The following CYTIP variants were observed in gnomAD, a reference collection of about 807,000 sequenced individuals.
The protein encoded by CYTIP is cytohesin 1 interacting protein.
In CYTIP, 26 loss-of-function variants were observed where a neutral mutation model predicts 43.8. That is an observed-to-expected ratio of 0.59 (90% CI 0.44 to 0.82). The LOEUF (loss-of-function observed/expected upper bound fraction) is 0.82, where lower values mean the gene tolerates loss of function less well. CYTIP is among the 40% of genes least tolerant of loss of function. The probability of loss-of-function intolerance (pLI) is 0.00; values close to 1 mark genes in which losing one functional copy is unlikely to be tolerated. For synonymous variants in CYTIP, 162 were observed against 162.9 expected (o/e 0.99, Z 0.04); for missense variants, 426 against 443.1 (o/e 0.96, Z 0.35).
chr2:157,427,440 A>T lies in CYTIP; in HGVS notation c.477-20T>A. 1.3e-6 allele frequency: 2 copies of T among 1,564,644 alleles called. No individual in the cohort carries two copies. The highest frequency in any genetic ancestry group is 1.7e-6 in the Non-Finnish European group (2 of 1,155,398). ...TCTATCCTGTTTTAAGGAAAAAAAA[A>T]AGAAGAGGAAGGTGGGGAGTGAGTA... is the stretch of plus-strand genomic sequence containing the variant. On this transcript the variant is annotated intron_variant, in intron 5 of 7. Transcript: ENST00000264192.
chr2:157,422,064 G>A (rs527426488), intron 6 of CYTIP, among the ~76,000 whole-genome samples: 12 of 152,268 alleles, frequency 7.9e-5, no homozygotes, highest in African/African-American at 2.9e-4. Flanking sequence ...TGATGCTGCT[G>A]GCTATGGCTC....
rs3769375 is a variant in CYTIP, at chr2:157,416,980, T to A, written c.614-837A>T. 6.2e-3 allele frequency among the ~76,000 whole-genome samples: 908 copies of A among 147,242 alleles called. 6 individuals are homozygous for A. Among genetic ancestry groups the A allele is most frequent in the South Asian group, 0.04 (183 of 4,626 alleles). ...TTGGTATCTTGTGTGTGTGTGTGTG[T>A]GAGAGAGAGAGAGAGAGAGAGAGAG... On this transcript the variant is annotated intron_variant, in intron 7 of 7. Transcript: ENST00000264192.
chr2:157,430,697 T>C (rs560816933), intron 4 of CYTIP, 45 bp from the exon 5 acceptor site: 1 of 1,563,226 alleles, frequency 6.4e-7, no homozygotes, highest in Non-Finnish European at 8.8e-7. Context: ...GTTAGTTAAA[T>C]AATCCCTCCT....
chr2:157,434,564 G>T, intron 2 of CYTIP, 134 bp downstream of exon 2: 2 of 859,356 alleles, frequency 2.3e-6, no homozygotes, highest in Non-Finnish European at 1.9e-6. Flanking sequence ...TTCTGTGTGT[G>T]TGTCTGTGTG....
At chr2:157,425,803 G>C (rs1004551128) in intron 6 of CYTIP, among the ~76,000 whole-genome samples, 1 of 151,858 alleles carries the variant, frequency 6.6e-6, no homozygotes, top group Non-Finnish European at 1.5e-5. Flanking sequence ...TTAAATTCAA[G>C]TACAATATGA....
chr2:157,441,866 C>G (rs1249538922), intron 1 of CYTIP, among the ~76,000 whole-genome samples: 1 of 152,234 alleles, frequency 6.6e-6, no homozygotes, highest in African/African-American at 2.4e-5. Context: ...CTAGTCTCTA[C>G]TCACTAATCC....
chr2:157,419,314 C>T (rs959331249), intron 6 of CYTIP, among the ~76,000 whole-genome samples: 1 of 152,070 alleles, frequency 6.6e-6, no homozygotes, highest in Non-Finnish European at 1.5e-5. Context: ...TTATTTTCCA[C>T]ACAAAAAAGG....
chr2:157,415,961 A>G lies in CYTIP; in HGVS notation c.796T>C (p.Ser266Pro). The change falls in exon 8 of 8, where the codon TCT (serine) becomes CCT (proline). Residue 266 changes from serine (S) to proline (P), a missense_variant. Transcript: ENST00000264192. Reference protein sequence around the residue: ...DSEDGYQTCVSEDSSRGAFSR... With the variant: ...DSEDGYQTCVPEDSSRGAFSR... ...AAGGCACCCCTGCTGGAGTCCTCAG[A>G]CACACACGTCTGGTAGCCATCTTCA... 6.2e-7 allele frequency: 1 copy of G among 1,614,214 alleles called. No homozygotes were observed. The highest frequency in any genetic ancestry group is 1.1e-5 in the South Asian group (1 of 91,086).
chr2:157,440,267 T>C (rs190551949), intron 1 of CYTIP, among the ~76,000 whole-genome samples: 9 of 152,252 alleles, frequency 5.9e-5, no homozygotes, highest in Non-Finnish European at 1.2e-4. Context: ...CTCCACAGAC[T>C]ATTCAAAGAT....
rs1685699520 is a variant in CYTIP at position 157,430,748 on chromosome 2, T to TA, written c.383-97dup. ...CAAGCAGCTCCAAGTCTTAAAAACA[T>TA]AAAGGAGCCAAGAAAACTCAAAGCA... is the stretch of plus-strand genomic sequence containing the variant. On this transcript the variant is annotated intron_variant, in intron 4 of 7. Transcript: ENST00000264192. 2 of 1,458,830 alleles carry TA rather than the reference T, an allele frequency of 1.4e-6. 1 individual carries two copies. Among genetic ancestry groups the TA allele is most frequent in the South Asian group, 2.3e-5 (2 of 86,554 alleles). 90.4% of individuals were successfully genotyped at this position (1,458,830 alleles called of 1,614,324 possible).
At chr2:157,435,040 A>G (rs1401105021) in intron 1 of CYTIP, among the ~76,000 whole-genome samples, 3 of 152,046 alleles carry the variant, frequency 2.0e-5, no homozygotes, top group African/African-American at 7.2e-5. Context: ...AAAAGATTGA[A>G]AGAGGTTTAG....
chr2:157,416,969 G>GTA (rs1467484683), intron 7 of CYTIP, among the ~76,000 whole-genome samples: 1 of 151,996 alleles, frequency 6.6e-6, no homozygotes, highest in African/African-American at 2.4e-5. Flanking sequence ...TATCTTGTGT[G>GTA]TGTGTGTGTG....
At chr2:157,441,846 TC>T (rs1390457795) in intron 1 of CYTIP, among the ~76,000 whole-genome samples, 2 of 152,186 alleles carry the variant, frequency 1.3e-5, no homozygotes, top group East Asian at 3.8e-4. Context: ...CAAAAGTTCC[TC>T]CCTCACCACT....
At chr2:157,429,442 G>A (rs959157657) in intron 5 of CYTIP, among the ~76,000 whole-genome samples, 3 of 152,058 alleles carry the variant, frequency 2.0e-5, no homozygotes, top group Admixed American at 6.6e-5. Context: ...TTGCTGTTTT[G>A]CACTTTTCTC....
intron 7 of CYTIP, among the ~76,000 whole-genome samples, chr2:157,418,138 C>G (rs558421006): frequency 6.6e-6 from 1 of 152,294 alleles, no homozygotes; most frequent in Non-Finnish European, 1.5e-5. Context: ...AAGTGTGCAA[C>G]CATTCCAGCT....
intron 6 of CYTIP, among the ~76,000 whole-genome samples, chr2:157,420,650 CAAAAAAAAAAAAAAA>C (rs56029960): frequency 1.4e-5 from 1 of 70,100 alleles, no homozygotes; most frequent in African/African-American, 5.7e-5. Context: ...GACCCTGCCA[CAAAAAAAAAAAAAAA>C]AAAAAAAAAA....
intron 6 of CYTIP, among the ~76,000 whole-genome samples, chr2:157,424,496 T>C (rs1685572343): frequency 6.6e-6 from 1 of 151,976 alleles, no homozygotes; most frequent in Non-Finnish European, 1.5e-5. Flanking sequence ...GAATACCATA[T>C]GATGTTGTTT....
Position 157,415,795 on chromosome 2 carries a change from A to C in CYTIP, c.962T>G (p.Leu321Ter). ...GGGCAGGGTCCCAAACATGCTTGAT[A>C]AGTTGCCCTCCCACAAGGGAGACAT... Reference protein sequence around the residue: ...GSMSPLWEGNLSSMFGTLPRK... With the variant: ...GSMSPLWEGN The change falls in exon 8 of 8, where the codon TTA becomes TGA. Residue 321 changes from leucine (L) to a stop codon, truncating the protein, a stop_gained. Coordinates refer to ENST00000264192, the MANE Select transcript of CYTIP (RefSeq NM_004288.5). LOFTEE classifies it high-confidence loss of function. 6.2e-7 allele frequency: 1 copy of C among 1,614,198 alleles called. No individual in the cohort carries two copies. The highest frequency in any genetic ancestry group is 8.5e-7 in the Non-Finnish European group (1 of 1,180,022).
Position 157,443,970 on chromosome 2 carries a change from G to A in CYTIP, c.51C>T (p.Asp17=). The change falls in exon 1 of 8, where the codon GAC becomes GAT. Residue 17 remains aspartate (D), a synonymous_variant. Transcript: ENST00000264192. ...LQHSSNGNLA[D]FCAGPAYSSY... ...AGCTATACGCTGGCCCAGCGCAGAA[G>A]TCCGCCAAATTGCCATTGCTGCTGT... is the stretch of plus-strand genomic sequence containing the variant. The A allele has an allele frequency of 6.2e-7, 1 of 1,614,118 alleles. No homozygotes were observed. The highest frequency in any genetic ancestry group is 1.3e-5 in the African/African-American group (1 of 75,052).
Sources: gnomAD v4.1 joint callset for allele counts (sites outside exome capture counted in the v4.1 genomes callset) on GRCh38, gnomAD v4.1.1 for gene constraint, MANE v1.5 for transcripts, NCBI Gene and HGNC (gene_info 2026-07-23, HGNC 2026-07-21) for gene names.